The following RARS1 variants were observed in gnomAD, a reference collection of about 807,000 sequenced individuals.
The protein encoded by RARS1 is arginine--tRNA ligase, cytoplasmic.
RARS1 carries 75 observed loss-of-function variants against 78.7 expected under a neutral mutation model. The ratio of observed to expected loss-of-function variants is 0.95; its 90% CI spans 0.79 to 1.15. The LOEUF is 1.15. RARS1 is among the 50% of genes most tolerant of loss of function. The pLI is 0.00. For missense variants in RARS1, 787 were observed against 787.5 expected (o/e 1.00, Z 0.01); for synonymous variants, 273 against 268.2 (o/e 1.02, Z -0.18).
Position 168,500,391 on chromosome 5 carries a change from T to G in RARS1, c.823-200T>G, listed in dbSNP as rs891567629. Among the ~76,000 whole-genome samples, 11 of 152,230 alleles carry G rather than the reference T, an allele frequency of 7.2e-5. No homozygotes were observed. The South Asian group carries it at 8.3e-4, about 11-fold the overall frequency. ...AGAAAACTGTGGTGAGATTTTTGTATTTTTTAAGAGAAATGATTTCAAAGT... is the reference window on the plus strand; with the variant it reads ...AGAAAACTGTGGTGAGATTTTTGTAGTTTTTAAGAGAAATGATTTCAAAGT... On this transcript the variant is annotated intron_variant, in intron 7 of 14. Transcript: ENST00000231572.
At chr5:168,506,937 C>A in intron 11 of RARS1, 106 bp downstream of exon 11, 3 of 893,214 alleles carry the variant, frequency 3.4e-6, no homozygotes, top group Non-Finnish European at 5.3e-6. Flanking sequence ...TTCCTTTAGT[C>A]CACATAAGCT....
At position 168,500,701 on chromosome 5, in the gene RARS1, C is replaced by T. The variant is rs763651934; in HGVS notation, c.933C>T (p.Ile311=). Residue 311 remains isoleucine, a synonymous_variant, in exon 8 of 15, where the codon ATC becomes ATT. Transcript: ENST00000231572. ...ATATTACAAAAGCTTGGAAGCTTATCTGTGATGTCTCCCGCCAAGGTGAGT... is the reference window on the plus strand; with the variant it reads ...ATATTACAAAAGCTTGGAAGCTTATTTGTGATGTCTCCCGCCAAGGTGAGT... The part of the protein sequence containing the change: ...NPDITKAWKL[I]CDVSRQELNK... 1.1e-5 allele frequency: 17 copies of T among 1,611,238 alleles called. No homozygotes were observed. Among genetic ancestry groups the T allele is most frequent in the African/African-American group, 1.3e-5 (1 of 74,788 alleles).
At chr5:168,489,116 C>A (rs1758027373) in intron 2 of RARS1, among the ~76,000 whole-genome samples, 1 of 152,142 alleles carries the variant, frequency 6.6e-6, no homozygotes, top group South Asian at 2.1e-4. Context: ...AACCTTCAGG[C>A]TCAAGCAGTC....
chr5:168,516,944 G>C lies in RARS1; in HGVS notation c.1619G>C (p.Arg540Thr), dbSNP rs1407480576. 1.2e-6 allele frequency: 2 copies of C among 1,613,316 alleles called. No homozygotes were observed. The highest frequency in any genetic ancestry group is 1.7e-5 in the Admixed American group (1 of 59,986). Residue 540 changes from arginine to threonine, a missense_variant, in exon 13 of 15, where the codon AGA becomes ACA. Arg to Thr is a moderately conservative substitution (Grantham distance 71). Transcript: ENST00000231572. ...GCTTACTTGTTGTATGCCTTCACTA[G>C]AATCAGGTAATTGTGGGTAGGCATT... ...TAAYLLYAFTRIRSIARLANI... is the reference protein window; with the variant it reads ...TAAYLLYAFTTIRSIARLANI...
Position 168,517,878 on chromosome 5 carries a change from G to T in RARS1, c.1689G>T (p.Lys563Asn). ...EMLQKAARETKILLDHEKEWK... is the reference protein window; with the variant it reads ...EMLQKAARETNILLDHEKEWK... ...TCCAAAAAGCTGCTCGAGAAACCAA[G>T]ATTCTTTTGGATCATGAGAAGGAAT... Residue 563 changes from lysine (K) to asparagine (N), a missense_variant, in exon 14 of 15, where the codon AAG (lysine) becomes AAT (asparagine). Transcript: ENST00000231572. 1 of 1,613,682 alleles carries T rather than the reference G, an allele frequency of 6.2e-7. No individual in the cohort carries two copies. Among genetic ancestry groups the T allele is most frequent in the Non-Finnish European group, 8.5e-7 (1 of 1,179,968 alleles).
intron 12 of RARS1, among the ~76,000 whole-genome samples, chr5:168,514,641 A>AT (rs1185890276): frequency 1.3e-5 from 2 of 152,218 alleles, no homozygotes; most frequent in Admixed American, 1.3e-4. Context: ...AATATCTTTC[A>AT]TAGCTATATA....
At chr5:168,488,547 A>C in intron 1 of RARS1, 55 bp from the exon 2 acceptor site, 7 of 1,545,378 alleles carry the variant, frequency 4.5e-6, no homozygotes, top group Non-Finnish European at 6.1e-6. Context: ...CTTGGTAGAG[A>C]GGGGAAATGT....
At position 168,505,955 on chromosome 5, in the gene RARS1, G is replaced by A. The variant is rs1758436043; in HGVS notation, c.1058-66G>A. 3.3e-6 allele frequency: 4 copies of A among 1,205,310 alleles called. No individual in the cohort carries two copies. The East Asian group carries it at 9.7e-5, about 29-fold the overall frequency. 74.7% of individuals were successfully genotyped at this position (1,205,310 alleles called of 1,614,324 possible). A position where few individuals can be genotyped will look rare whatever the true frequency, so the allele number is the denominator to read the frequency against. On this transcript the variant is annotated intron_variant, in intron 9 of 14. Coordinates refer to ENST00000231572, the MANE Select transcript of RARS1 (RefSeq NM_002887.4). ...TAACTAAATATTTACATAGTAGAAT[G>A]AGTAAGCATTCATTTTCCTTCAGGG...
chr5:168,512,106 G>A (rs979717687), intron 12 of RARS1, among the ~76,000 whole-genome samples: 3 of 151,382 alleles, frequency 2.0e-5, no homozygotes, highest in South Asian at 2.1e-4. Flanking sequence ...TCACCTTGCC[G>A]TCCCAAAGTG....
At chr5:168,511,775 A>G (rs1006500004) in intron 12 of RARS1, among the ~76,000 whole-genome samples, 16 of 152,218 alleles carry the variant, frequency 1.1e-4, no homozygotes, top group African/African-American at 3.1e-4. Flanking sequence ...TCCTATCACC[A>G]TAAATCACTT....
At chr5:168,494,295 G>A in intron 4 of RARS1, 1 of 985,442 alleles carries the variant, frequency 1.0e-6, no homozygotes, top group Non-Finnish European at 1.2e-6. Context: ...TCTGTTTTCT[G>A]TTAAGAGGCG....
chr5:168,494,734 C>T, intron 5 of RARS1, 84 bp downstream of exon 5: 1 of 991,464 alleles, frequency 1.0e-6, no homozygotes, highest in Non-Finnish European at 1.5e-6. Context: ...ATAGTCTCAG[C>T]TACTTGGGAG....
chr5:168,501,991 T>A lies in RARS1; in HGVS notation c.953-10T>A, dbSNP rs375544870. On this transcript the variant is annotated splice_polypyrimidine_tract_variant and intron_variant, in intron 8 of 14. Coordinates refer to ENST00000231572, the MANE Select transcript of RARS1 (RefSeq NM_002887.4). ...CATTTTATTTGGTGGCATTTTATTTTCTTCCCTAGAGTTAAATAAAATCTA... is the reference window on the plus strand; with the variant it reads ...CATTTTATTTGGTGGCATTTTATTTACTTCCCTAGAGTTAAATAAAATCTA... The A allele has an allele frequency of 2.1e-5, 33 of 1,581,440 alleles. No individual in the cohort carries two copies. Among genetic ancestry groups the A allele is most frequent in the Non-Finnish European group, 2.6e-5 (31 of 1,170,066 alleles).
chr5:168,505,418 G>GGGAC (rs1758418607), intron 9 of RARS1, among the ~76,000 whole-genome samples: 1 of 152,152 alleles, frequency 6.6e-6, no homozygotes, highest in East Asian at 1.9e-4. Flanking sequence ...ATCCTGCCCT[G>GGGAC]TTTGTTTCCG....
At chr5:168,498,053 TC>T (rs754971445) in intron 7 of RARS1, 14 of 151,868 alleles carry the variant, frequency 9.2e-5, no homozygotes, top group African/African-American at 1.7e-4. Context: ...CAAAGTGAGA[TC>T]CCATCTCTAC....
intron 2 of RARS1, among the ~76,000 whole-genome samples, chr5:168,491,027 C>G (rs1177636004): frequency 6.6e-6 from 1 of 152,170 alleles, no homozygotes; most frequent in South Asian, 2.1e-4. Context: ...ATCCCAGCTA[C>G]TTGGGAGGCT....
At chr5:168,486,650 T>G (rs1757970300) in intron 1 of RARS1, 107 bp downstream of exon 1, 1 of 1,234,672 alleles carries the variant, frequency 8.1e-7, no homozygotes, top group African/African-American at 1.5e-5. Context: ...ACCATCCTGG[T>G]CCTCTCAGAG....
intron 1 of RARS1, 114 bp from the exon 2 acceptor site, chr5:168,488,486 AAC>A: frequency 8.5e-7 from 1 of 1,181,230 alleles, no homozygotes. Flanking sequence ...AGGAGAAAGA[AAC>A]ACAGCTCATC....
rs2290625 is a variant in RARS1 at position 168,506,425 on chromosome 5, A to G, written c.1236+226A>G. On this transcript the variant is annotated intron_variant, in intron 10 of 14. Transcript: ENST00000231572. ...AAACTGGAACCTCTGAACTTCAGCA[A>G]TTGTTCCTATCAGTAGGGTTATTGT... Among the ~76,000 whole-genome samples, 29,283 of 152,122 alleles carry G rather than the reference A, an allele frequency of 0.19. 3,148 individuals carry two copies. Among genetic ancestry groups the G allele is most frequent in the Admixed American group, 0.3 (4,655 of 15,284 alleles).
Sources: gnomAD v4.1 joint callset for allele counts (sites outside exome capture counted in the v4.1 genomes callset) on GRCh38, gnomAD v4.1.1 for gene constraint, MANE v1.5 for transcripts, NCBI Gene and HGNC (gene_info 2026-07-23, HGNC 2026-07-21) for gene names.